Variants in RUNDC3B observed in about 807,000 individuals in gnomAD.
RUNDC3B encodes RUN domain containing 3B.
RUNDC3B carries 33 observed loss-of-function variants against 58.4 expected under a neutral mutation model. That is an observed-to-expected ratio of 0.56 (90% CI 0.43 to 0.75). RUNDC3B has a LOEUF of 0.75. Among genes scored for constraint, RUNDC3B ranks in the 30% least tolerant of loss-of-function variants. RUNDC3B has a pLI of 0.00. For synonymous variants in RUNDC3B, 193 were observed against 195.2 expected (o/e 0.99, Z 0.10); for missense variants, 501 against 535.7 (o/e 0.94, Z 0.64).
intron 1 of RUNDC3B, among the ~76,000 whole-genome samples, chr7:87,640,930 C>A (rs1405323582): frequency 6.6e-6 from 1 of 151,550 alleles, no homozygotes; most frequent in African/African-American, 2.4e-5. Flanking sequence ...TACCTATGTA[C>A]TTCATTTCTT....
chr7:87,828,483 C>T (rs1837958314), intron 10 of RUNDC3B, among the ~76,000 whole-genome samples: 2 of 152,084 alleles, frequency 1.3e-5, no homozygotes, highest in Admixed American at 1.3e-4. Context: ...ATTTGGTTTT[C>T]TATTCCTATG....
chr7:87,785,687 C>A (rs1835174186), intron 8 of RUNDC3B, among the ~76,000 whole-genome samples: 1 of 152,172 alleles, frequency 6.6e-6, no homozygotes, highest in Non-Finnish European at 1.5e-5. Flanking sequence ...GGGAGCACTA[C>A]TTTCTCCTGG....
At chr7:87,642,774 T>C (rs1822583732) in intron 1 of RUNDC3B, among the ~76,000 whole-genome samples, 1 of 152,238 alleles carries the variant, frequency 6.6e-6, no homozygotes, top group African/African-American at 2.4e-5. Context: ...GTCATCAGTC[T>C]GCTTATATAG....
At chr7:87,654,415 A>G (rs533524362) in intron 2 of RUNDC3B, among the ~76,000 whole-genome samples, 1 of 152,252 alleles carries the variant, frequency 6.6e-6, no homozygotes, top group African/African-American at 2.4e-5. Flanking sequence ...TAGAGAACCC[A>G]CAAATAAATC....
intron 8 of RUNDC3B, among the ~76,000 whole-genome samples, chr7:87,783,030 A>G (rs1158522587): frequency 6.6e-6 from 1 of 152,170 alleles, no homozygotes; most frequent in Non-Finnish European, 1.5e-5. Flanking sequence ...TGCATTAATG[A>G]TCCATCTAAT....
At chr7:87,635,718 C>T (rs1163643977) in intron 1 of RUNDC3B, among the ~76,000 whole-genome samples, 2 of 152,142 alleles carry the variant, frequency 1.3e-5, no homozygotes, top group South Asian at 2.1e-4. Flanking sequence ...TAACTAGCAC[C>T]CAAGTCAAGA....
intron 8 of RUNDC3B, among the ~76,000 whole-genome samples, chr7:87,779,764 TC>T (rs1834828675): frequency 6.6e-6 from 1 of 152,086 alleles, no homozygotes; most frequent in African/African-American, 2.4e-5. Context: ...AGGTAGTTTT[TC>T]AGCCCTTACC....
chr7:87,786,487 C>A (rs1200948987), intron 8 of RUNDC3B, among the ~76,000 whole-genome samples: 2 of 151,434 alleles, frequency 1.3e-5, no homozygotes, highest in Non-Finnish European at 2.9e-5. Flanking sequence ...GAGATTAACA[C>A]CTTTCTTAAC....
intron 4 of RUNDC3B, among the ~76,000 whole-genome samples, chr7:87,717,247 A>G (rs1457310890): frequency 6.6e-6 from 1 of 152,184 alleles, no homozygotes; most frequent in African/African-American, 2.4e-5. Context: ...AGCCAGAAAA[A>G]GTTTTATAGC....
At chr7:87,729,268 C>G (rs535147299) in intron 4 of RUNDC3B, among the ~76,000 whole-genome samples, 2 of 152,100 alleles carry the variant, frequency 1.3e-5, no homozygotes, top group African/African-American at 4.8e-5. Context: ...CCAGAAGAAC[C>G]AAAAATCAGA....
intron 8 of RUNDC3B, among the ~76,000 whole-genome samples, chr7:87,787,667 T>G (rs1835294979): frequency 6.6e-6 from 1 of 152,174 alleles, no homozygotes; most frequent in South Asian, 2.1e-4. Flanking sequence ...TTTCCAGTTG[T>G]GAGGTCTTAA....
chr7:87,698,193 G>A (rs1444741415), intron 2 of RUNDC3B, among the ~76,000 whole-genome samples: 2 of 152,188 alleles, frequency 1.3e-5, no homozygotes, highest in East Asian at 1.9e-4. Flanking sequence ...TCCACCTCCC[G>A]GGTTCACGCC....
At chr7:87,709,373 A>G in intron 3 of RUNDC3B, 1 of 985,318 alleles carries the variant, frequency 1.0e-6, no homozygotes, top group Middle Eastern at 5.2e-4. Flanking sequence ...GAATTTTGAG[A>G]CTACTGGCCA....
chr7:87,643,126 C>G (rs568139959), intron 1 of RUNDC3B, among the ~76,000 whole-genome samples: 2 of 152,272 alleles, frequency 1.3e-5, no homozygotes, highest in East Asian at 1.9e-4. Context: ...CTTTGTTGCT[C>G]AAACTCCTGA....
intron 1 of RUNDC3B, among the ~76,000 whole-genome samples, chr7:87,642,029 G>C (rs1247577248): frequency 6.6e-6 from 1 of 151,762 alleles, no homozygotes; most frequent in African/African-American, 2.4e-5. Context: ...TTTATACGTG[G>C]ACGATATGCT....
chr7:87,687,679 G>A (rs563657588), intron 2 of RUNDC3B, among the ~76,000 whole-genome samples: 10 of 152,028 alleles, frequency 6.6e-5, no homozygotes, highest in African/African-American at 2.4e-4. Flanking sequence ...TTTTCTGATA[G>A]GACTTGGATT....
chr7:87,820,577 C>T (rs1025893434), intron 10 of RUNDC3B, among the ~76,000 whole-genome samples: 24 of 152,042 alleles, frequency 1.6e-4, no homozygotes, highest in Admixed American at 9.2e-4. Flanking sequence ...CGGGCAGAGA[C>T]ACAACCAAAA....
intron 1 of RUNDC3B, among the ~76,000 whole-genome samples, chr7:87,632,928 T>C (rs1821373678): frequency 6.6e-6 from 1 of 152,224 alleles, no homozygotes; most frequent in Non-Finnish European, 1.5e-5. Context: ...ATAATTTTCC[T>C]GTTTTGTAGC....
chr7:87,658,963 G>A (rs949601152), intron 2 of RUNDC3B, among the ~76,000 whole-genome samples: 2 of 152,120 alleles, frequency 1.3e-5, no homozygotes, highest in South Asian at 4.1e-4. Context: ...ACCAGCCTGG[G>A]CAACATGGCA....
Sources: gnomAD v4.1 joint callset for allele counts (sites outside exome capture counted in the v4.1 genomes callset) on GRCh38, gnomAD v4.1.1 for gene constraint, MANE v1.5 for transcripts, NCBI Gene and HGNC (gene_info 2026-07-23, HGNC 2026-07-21) for gene names.